UNC5D: variants seen among roughly 807,000 people sequenced by gnomAD.
UNC5D encodes unc-5 netrin receptor D.
In UNC5D, 39 loss-of-function variants were observed where a neutral mutation model predicts 105.4. The ratio of observed to expected loss-of-function variants is 0.37; its 90% CI spans 0.29 to 0.48. The LOEUF (loss-of-function observed/expected upper bound fraction) is 0.48. Ranked by LOEUF, UNC5D falls within the 20% of genes least tolerant of loss-of-function variation. The pLI, the probability that UNC5D is intolerant of heterozygous loss-of-function variation, is 0.98. For missense variants in UNC5D, 991 were observed against 1,202.4 expected (o/e 0.82, Z 2.60); for synonymous variants, 452 against 450.4 (o/e 1.00, Z -0.04).
chr8:35,377,628 T>C (rs1802779745), intron 1 of UNC5D, among the ~76,000 whole-genome samples: 2 of 152,176 alleles, frequency 1.3e-5, no homozygotes, highest in Non-Finnish European at 2.9e-5. Flanking sequence ...TCATCTGCCC[T>C]TGTTCCCTAG....
chr8:35,776,547 A>G (rs910041661), intron 16 of UNC5D, among the ~76,000 whole-genome samples: 18 of 152,186 alleles, frequency 1.2e-4, no homozygotes, highest in African/African-American at 4.3e-4. Context: ...ATGAGCAGTC[A>G]GTGGCTACCC....
intron 1 of UNC5D, among the ~76,000 whole-genome samples, chr8:35,414,064 T>C (rs1179799361): frequency 6.6e-6 from 1 of 152,104 alleles, no homozygotes; most frequent in Non-Finnish European, 1.5e-5. Context: ...TGAAGCTCTC[T>C]AGGTTGTTTG....
intron 1 of UNC5D, among the ~76,000 whole-genome samples, chr8:35,236,351 T>G (rs1373245141): frequency 7.8e-6 from 1 of 127,878 alleles, no homozygotes; most frequent in Non-Finnish European, 1.7e-5. Flanking sequence ...GTCTTTTCCC[T>G]TAGGGGAGGA....
chr8:35,574,041 C>T (rs1194879977), intron 3 of UNC5D, among the ~76,000 whole-genome samples: 1 of 152,198 alleles, frequency 6.6e-6, no homozygotes, highest in Non-Finnish European at 1.5e-5. Flanking sequence ...TAGACGGGCA[C>T]GCCATGGCAT....
chr8:35,294,708 T>G (rs1807337549), intron 1 of UNC5D, among the ~76,000 whole-genome samples: 1 of 151,524 alleles, frequency 6.6e-6, no homozygotes, highest in African/African-American at 2.4e-5. Flanking sequence ...TTTTTTTTTT[T>G]TTTTTTACAA....
At chr8:35,312,002 C>A (rs942785306) in intron 1 of UNC5D, among the ~76,000 whole-genome samples, 1 of 152,140 alleles carries the variant, frequency 6.6e-6, no homozygotes, top group African/African-American at 2.4e-5. Flanking sequence ...TTCCCTCATT[C>A]ATTTGGAATC....
At chr8:35,546,587 T>G (rs965639755) in intron 1 of UNC5D, among the ~76,000 whole-genome samples, 1 of 152,234 alleles carries the variant, frequency 6.6e-6, no homozygotes, top group Admixed American at 6.5e-5. Flanking sequence ...GAACAATGAA[T>G]TAGACAGAAC....
intron 1 of UNC5D, among the ~76,000 whole-genome samples, chr8:35,372,413 C>A (rs1351512936): frequency 6.6e-6 from 1 of 151,612 alleles, no homozygotes; most frequent in South Asian, 2.1e-4. Flanking sequence ...CATGAGCCAC[C>A]ATGCCCAGAT....
chr8:35,721,897 C>T (rs1276903260), intron 8 of UNC5D, among the ~76,000 whole-genome samples: 1 of 152,200 alleles, frequency 6.6e-6, no homozygotes, highest in Non-Finnish European at 1.5e-5. Flanking sequence ...ACATCCTAAA[C>T]TAAGGAGTTG....
chr8:35,337,732 G>A (rs778660077), intron 1 of UNC5D, among the ~76,000 whole-genome samples: 3 of 151,276 alleles, frequency 2.0e-5, no homozygotes, highest in Non-Finnish European at 4.4e-5. Flanking sequence ...TGCAACTATA[G>A]ACTGACTCTA....
intron 1 of UNC5D, among the ~76,000 whole-genome samples, chr8:35,522,220 A>C (rs1813535060): frequency 6.6e-6 from 1 of 152,168 alleles, no homozygotes; most frequent in Admixed American, 6.5e-5. Context: ...AATGCTTTAG[A>C]TAACTGGTGT....
chr8:35,404,104 T>A (rs1191694043), intron 1 of UNC5D, among the ~76,000 whole-genome samples: 1 of 152,224 alleles, frequency 6.6e-6, no homozygotes, highest in Non-Finnish European at 1.5e-5. Flanking sequence ...TTATAGGACA[T>A]GAAGTTGCTA....
chr8:35,750,575 C>G lies in UNC5D; in HGVS notation c.1936-7C>G. 1.2e-6 allele frequency: 2 copies of G among 1,613,746 alleles called. No homozygotes were observed. Among genetic ancestry groups the G allele is most frequent in the Non-Finnish European group, 1.7e-6 (2 of 1,179,630 alleles). On this transcript the variant is annotated splice_polypyrimidine_tract_variant and splice_region_variant and intron_variant, in intron 12 of 16. Coordinates refer to ENST00000404895, the MANE Select transcript of UNC5D (RefSeq NM_080872.4). Reference sequence around the variant, plus strand: ...AAGTGAGAGAATAAACATACCTTTCCCAACAGGAAGTGATGTCAGTGGAAG... The same window carrying G: ...AAGTGAGAGAATAAACATACCTTTCGCAACAGGAAGTGATGTCAGTGGAAG...
chr8:35,640,922 C>T (rs1028343786), intron 4 of UNC5D, among the ~76,000 whole-genome samples: 1 of 152,038 alleles, frequency 6.6e-6, no homozygotes, highest in African/African-American at 2.4e-5. Flanking sequence ...TCTTCCTCCT[C>T]CTCTCCTCTC....
At chr8:35,611,009 GCAAAA>G (rs1820643227) in intron 4 of UNC5D, among the ~76,000 whole-genome samples, 1 of 18,378 alleles carries the variant, frequency 5.4e-5, no homozygotes, top group South Asian at 1.3e-3. Context: ...AGACAAAGAA[GCAAAA>G]AAAAAAAAAA....
chr8:35,640,652 T>C (rs1822651150), intron 4 of UNC5D, among the ~76,000 whole-genome samples: 1 of 152,126 alleles, frequency 6.6e-6, no homozygotes, highest in African/African-American at 2.4e-5. Context: ...AAGGTAAAAA[T>C]TCCTGATTTC....
chr8:35,643,568 C>G (rs920989026), intron 4 of UNC5D, among the ~76,000 whole-genome samples: 3 of 152,074 alleles, frequency 2.0e-5, no homozygotes, highest in Admixed American at 6.6e-5. Flanking sequence ...TTAGCAGAGA[C>G]AGCGTTCCAC....
intron 1 of UNC5D, among the ~76,000 whole-genome samples, chr8:35,318,505 T>C (rs1293794504): frequency 1.3e-5 from 2 of 152,156 alleles, no homozygotes; most frequent in African/African-American, 4.8e-5. Flanking sequence ...TATTTGCATC[T>C]GATTCTGTTT....
intron 1 of UNC5D, among the ~76,000 whole-genome samples, chr8:35,480,194 A>G (rs1810386422): frequency 6.6e-6 from 1 of 152,216 alleles, no homozygotes; most frequent in South Asian, 2.1e-4. Flanking sequence ...CCCTATATTT[A>G]CTCTTAACAG....
Sources: allele counts gnomAD v4.1 joint callset (sites outside exome capture counted in the v4.1 genomes callset), GRCh38; gene constraint gnomAD v4.1.1; transcripts MANE v1.5; gene names NCBI Gene and HGNC (gene_info 2026-07-23, HGNC 2026-07-21).